The following VPS13B variants were observed in gnomAD, a reference collection of about 807,000 sequenced individuals.
The protein encoded by VPS13B is vacuolar protein sorting 13 homolog B.
VPS13B carries 285 observed loss-of-function variants against 426.4 expected under a neutral mutation model. The ratio of observed to expected loss-of-function variants is 0.67; its 90% CI spans 0.61 to 0.74. The LOEUF is 0.74. Among genes scored for constraint, VPS13B ranks in the 30% least tolerant of loss-of-function variants. The pLI, the probability that VPS13B is intolerant of heterozygous loss-of-function variation, is 0.00. For synonymous variants in VPS13B, 1,676 were observed against 1,676.4 expected (o/e 1.00, Z 0.01); for missense variants, 4,537 against 4,782.6 (o/e 0.95, Z 1.51).
chr8:99,673,476 A>T (rs1455355360), intron 35 of VPS13B, among the ~76,000 whole-genome samples: 1 of 151,718 alleles, frequency 6.6e-6, no homozygotes, highest in African/African-American at 2.4e-5. Context: ...TCCATCTCTG[A>T]TTTTATTTAT....
At position 99,102,997 on chromosome 8, in the gene VPS13B, A is replaced by G. The variant is rs764142777; in HGVS notation, c.457A>G (p.Ile153Val). 1.9e-6 allele frequency: 3 copies of G among 1,612,616 alleles called. No homozygotes were observed. The highest frequency in any genetic ancestry group is 2.5e-6 in the Non-Finnish European group (3 of 1,178,752). The change falls in exon 5 of 62, where the codon ATT becomes GTT. Residue 153 changes from isoleucine (I) to valine (V), a missense_variant. This residue lies in a region of VPS13B where 226 missense variants were observed against 308.3 expected (regional missense o/e 0.73). Transcript: ENST00000357162. ...LIRRVVNNVNIVINNLILKYV... is the reference protein window; with the variant it reads ...LIRRVVNNVNVVINNLILKYV... ...TAGACGAGTTGTAAATAATGTAAAC[A>G]TTGTGATAAATAATCTCATACTAAA...
intron 17 of VPS13B, among the ~76,000 whole-genome samples, chr8:99,204,214 A>C (rs1814541082): frequency 6.6e-6 from 1 of 152,208 alleles, no homozygotes; most frequent in South Asian, 2.1e-4. Flanking sequence ...ACACATCTAC[A>C]ACCATCTGAT....
rs191784758 is a variant in VPS13B at position 99,108,660 on chromosome 8, G to A, written c.581-2438G>A. Among the ~76,000 whole-genome samples, 240 of 152,080 alleles carry A rather than the reference G, an allele frequency of 1.6e-3. 1 individual carries two copies. The highest frequency in any genetic ancestry group is 5.5e-3 in the African/African-American group (228 of 41,520). On this transcript the variant is annotated intron_variant, in intron 5 of 61. Coordinates refer to ENST00000357162, the MANE Select transcript of VPS13B (RefSeq NM_152564.5). ...ATGTGTCTTTTTTTATGCCAGTACCGTACTGTTTTGGTTATTATTGCTTTT... is the reference window on the plus strand; with the variant it reads ...ATGTGTCTTTTTTTATGCCAGTACCATACTGTTTTGGTTATTATTGCTTTT...
Position 99,102,419 on chromosome 8 carries a change from A to G in VPS13B, c.413-534A>G, listed in dbSNP as rs571039578. Among the ~76,000 whole-genome samples the G allele has an allele frequency of 3.2e-3, 480 of 152,258 alleles. 3 individuals carry two copies. Among genetic ancestry groups the G allele is most frequent in the African/African-American group, 0.01 (435 of 41,564 alleles). Reference sequence around the variant, plus strand: ...ACATTAAATATTAGTAAGTGAGTAGAGTTGAATCCATTATGATGGTCATGT... The same window carrying G: ...ACATTAAATATTAGTAAGTGAGTAGGGTTGAATCCATTATGATGGTCATGT... On this transcript the variant is annotated intron_variant, in intron 4 of 61. Coordinates refer to ENST00000357162, the MANE Select transcript of VPS13B (RefSeq NM_152564.5).
intron 21 of VPS13B, among the ~76,000 whole-genome samples, chr8:99,406,237 T>TA (rs1815323671): frequency 6.6e-6 from 1 of 151,966 alleles, no homozygotes; most frequent in Non-Finnish European, 1.5e-5. Context: ...TTTTTTTTTT[T>TA]ATTCTCTCCT....
rs895368619 is a variant in VPS13B, at chr8:99,795,646, T to G, written c.7941+11170T>G. On this transcript the variant is annotated intron_variant, in intron 43 of 61. Coordinates refer to ENST00000357162, the MANE Select transcript of VPS13B (RefSeq NM_152564.5). Reference sequence around the variant, plus strand: ...AACTAAGTGATTCCAGCTCAGCGTTTCTGATAAGGTTGTAATCAAGACATC... The same window carrying G: ...AACTAAGTGATTCCAGCTCAGCGTTGCTGATAAGGTTGTAATCAAGACATC... 6.6e-5 allele frequency among the ~76,000 whole-genome samples: 10 copies of G among 152,224 alleles called. No individual in the cohort carries two copies. The East Asian group carries it at 1.9e-3, about 29-fold the overall frequency.
At chr8:99,600,841 G>C (rs1452344151) in intron 33 of VPS13B, among the ~76,000 whole-genome samples, 1 of 152,070 alleles carries the variant, frequency 6.6e-6, no homozygotes. Context: ...TCCTAAACTG[G>C]AAGGCCCCTG....
chr8:99,072,404 G>A (rs181640375), intron 3 of VPS13B, among the ~76,000 whole-genome samples: 6 of 152,112 alleles, frequency 3.9e-5, no homozygotes, highest in East Asian at 3.9e-4. Context: ...TGGAGGCCTC[G>A]AACTCTTCCT....
In VPS13B at chr8:99,587,494, G is replaced by A. The variant is rs556163990; in HGVS notation, c.5220+9861G>A. Reference sequence around the variant, plus strand: ...TCCTCCCCAGCACCTGTTGTTTCCTGACTTTTAAATGATCTCCATTCCAAC... The same window carrying A: ...TCCTCCCCAGCACCTGTTGTTTCCTAACTTTTAAATGATCTCCATTCCAAC... On this transcript the variant is annotated intron_variant, in intron 33 of 61. Transcript: ENST00000357162. 5.7e-4 allele frequency among the ~76,000 whole-genome samples: 86 copies of A among 151,770 alleles called. 2 individuals carry two copies. The highest frequency in any genetic ancestry group is 3.4e-3 in the Middle Eastern group (1 of 294).
At chr8:99,753,154 A>T (rs1163935553) in intron 39 of VPS13B, among the ~76,000 whole-genome samples, 1 of 152,214 alleles carries the variant, frequency 6.6e-6, no homozygotes, top group Non-Finnish European at 1.5e-5. Flanking sequence ...TGTAGTATGC[A>T]TTTTAAAATA....
intron 21 of VPS13B, among the ~76,000 whole-genome samples, chr8:99,426,231 A>G (rs1298162810): frequency 7.2e-6 from 1 of 139,360 alleles, no homozygotes; most frequent in Non-Finnish European, 1.5e-5. Context: ...GTCCCTACAA[A>G]GGACATGAAC....
intron 39 of VPS13B, among the ~76,000 whole-genome samples, chr8:99,723,460 C>T (rs1001131112): frequency 2.6e-5 from 4 of 152,064 alleles, no homozygotes; most frequent in South Asian, 2.1e-4. Context: ...TCAACTAGTA[C>T]GTATTTGCAA....
At chr8:99,265,683 T>G (rs1563635475) in intron 17 of VPS13B, among the ~76,000 whole-genome samples, 1 of 152,142 alleles carries the variant, frequency 6.6e-6, no homozygotes, top group Non-Finnish European at 1.5e-5. Context: ...TAGATAAAAT[T>G]TTAGTCATGC....
intron 33 of VPS13B, among the ~76,000 whole-genome samples, chr8:99,625,072 G>A (rs1054189099): frequency 7.9e-5 from 12 of 152,054 alleles, no homozygotes; most frequent in Non-Finnish European, 1.6e-4. Flanking sequence ...TGATCCACCC[G>A]CCTCAGCCTC....
At position 99,875,704 on chromosome 8, in the gene VPS13B, AGTTTTT is replaced by A; in HGVS notation, c.*40_*45del. 6.2e-7 allele frequency: 1 copy of A among 1,613,846 alleles called. No homozygotes were observed. Among genetic ancestry groups the A allele is most frequent in the Non-Finnish European group, 8.5e-7 (1 of 1,179,934 alleles). On this transcript the variant is annotated 3_prime_UTR_variant, in exon 62 of 62. Transcript: ENST00000357162. ...GTGTTTATTCCTGCTTGTGTGATTT[AGTTTTT>A]GGGTTTCTTTGAGACAGGGTCTCAC...
intron 22 of VPS13B, among the ~76,000 whole-genome samples, chr8:99,436,368 T>G (rs1009490845): frequency 5.9e-5 from 9 of 152,212 alleles, no homozygotes; most frequent in Admixed American, 2.6e-4. Flanking sequence ...TTGTAAGTTA[T>G]GATAGTGATT....
chr8:99,556,809 T>A (rs182322510), intron 31 of VPS13B, among the ~76,000 whole-genome samples, 156 bp downstream of exon 31: 2 of 152,244 alleles, frequency 1.3e-5, no homozygotes, highest in African/African-American at 4.8e-5. Context: ...TTGTAGCTGA[T>A]GATTTGGCAT....
chr8:99,355,678 C>T (rs1307019976), intron 19 of VPS13B, among the ~76,000 whole-genome samples: 3 of 152,098 alleles, frequency 2.0e-5, no homozygotes, highest in Non-Finnish European at 4.4e-5. Flanking sequence ...CAAGTATGTT[C>T]CTATTTAGGG....
At chr8:99,362,841 A>G (rs1429985883) in intron 19 of VPS13B, among the ~76,000 whole-genome samples, 2 of 152,060 alleles carry the variant, frequency 1.3e-5, no homozygotes, top group African/African-American at 4.8e-5. Flanking sequence ...TAGCAGTGGG[A>G]TTCTTGGATA....
Sources: gnomAD v4.1 joint callset for allele counts (sites outside exome capture counted in the v4.1 genomes callset) on GRCh38, gnomAD v4.1.1 for gene constraint, gnomAD v4.1.1 regional missense constraint, MANE v1.5 for transcripts, NCBI Gene and HGNC (gene_info 2026-07-23, HGNC 2026-07-21) for gene names.